KIF6: variants seen among roughly 807,000 people sequenced by gnomAD.
KIF6 encodes the protein kinesin-like protein KIF6.
KIF6 carries 106 observed loss-of-function variants against 112.7 expected under a neutral mutation model. The ratio of observed to expected loss-of-function variants is 0.94; its 90% CI spans 0.80 to 1.11. The LOEUF (loss-of-function observed/expected upper bound fraction) is 1.11. KIF6 is among the 50% of genes least tolerant of loss of function. The pLI is 0.00. For synonymous variants in KIF6, 339 were observed against 339.9 expected, an observed-to-expected ratio of 1.00 and a Z score of 0.03; for missense variants, 929 against 964.0, an observed-to-expected ratio of 0.96 and a Z score of 0.48.
At chr6:39,638,858 G>A (rs993271550) in intron 4 of KIF6, among the ~76,000 whole-genome samples, 1 of 152,032 alleles carries the variant, frequency 6.6e-6, no homozygotes, top group African/African-American at 2.4e-5. Flanking sequence ...TCATTACGGG[G>A]AATTTGTTTG....
intron 13 of KIF6, among the ~76,000 whole-genome samples, chr6:39,471,044 T>C (rs1774090305): frequency 6.6e-6 from 1 of 152,224 alleles, no homozygotes. Flanking sequence ...GCCAGAAGTT[T>C]GTAATCCTTG....
chr6:39,636,806 A>G (rs1784643185), intron 4 of KIF6, among the ~76,000 whole-genome samples: 1 of 152,046 alleles, frequency 6.6e-6, no homozygotes, highest in South Asian at 2.1e-4. Context: ...TTTAGTATAC[A>G]TTTCTGAGTT....
chr6:39,380,009 T>C (rs907964712), intron 16 of KIF6, among the ~76,000 whole-genome samples: 1 of 152,212 alleles, frequency 6.6e-6, no homozygotes, highest in African/African-American at 2.4e-5. Context: ...GCCTGGCACA[T>C]GGTAAAGTAC....
chr6:39,500,204 GC>G (rs780475967), intron 13 of KIF6, among the ~76,000 whole-genome samples: 1 of 152,210 alleles, frequency 6.6e-6, no homozygotes, highest in Non-Finnish European at 1.5e-5. Context: ...GGATATCCAG[GC>G]AGTGCCAATG....
At chr6:39,547,380 T>C (rs1411067880) in intron 10 of KIF6, among the ~76,000 whole-genome samples, 1 of 152,228 alleles carries the variant, frequency 6.6e-6, no homozygotes, top group Non-Finnish European at 1.5e-5. Flanking sequence ...GACAGTGTGT[T>C]TCCTTTTGGA....
Position 39,333,638 on chromosome 6 carries a change from C to G in KIF6, c.*2894G>C, listed in dbSNP as rs1387004790. ...ATGACAAAGCTTTGGATGTGTAATT[C>G]TATACTGGTGGTGAAGAATTAAAAT... is the stretch of plus-strand genomic sequence containing the variant. On this transcript the variant is annotated 3_prime_UTR_variant, in exon 23 of 23. Coordinates refer to ENST00000287152, the MANE Select transcript of KIF6 (RefSeq NM_145027.6). 3 of 152,248 alleles carry G rather than the reference C, an allele frequency of 2.0e-5. No individual in the cohort carries two copies. The highest frequency in any genetic ancestry group is 7.2e-5 in the African/African-American group (3 of 41,470). 9.4% of individuals were successfully genotyped at this position (152,248 alleles called of 1,614,324 possible). A position where few individuals can be genotyped will look rare whatever the true frequency, so the allele number is the denominator to read the frequency against.
chr6:39,562,017 C>T (rs1278243905), intron 10 of KIF6, among the ~76,000 whole-genome samples: 2 of 152,198 alleles, frequency 1.3e-5, no homozygotes, highest in African/African-American at 4.8e-5. Context: ...AATGAAGCAA[C>T]AAACTTTGGG....
intron 5 of KIF6, among the ~76,000 whole-genome samples, chr6:39,630,476 T>C: frequency 6.6e-6 from 1 of 152,050 alleles, no homozygotes; most frequent in East Asian, 1.9e-4. Flanking sequence ...ACATTTTAAA[T>C]TCCAATTATT....
intron 3 of KIF6, among the ~76,000 whole-genome samples, chr6:39,707,230 T>C (rs1018766131): frequency 5.3e-5 from 8 of 152,268 alleles, no homozygotes; most frequent in African/African-American, 1.9e-4. Context: ...TTGAATGAAG[T>C]GTAGAAACCT....
intron 10 of KIF6, chr6:39,554,412 G>T: frequency 6.2e-6 from 1 of 160,396 alleles, no homozygotes; most frequent in Non-Finnish European, 1.4e-5. Context: ...CTCACCACCT[G>T]TGGCTGTGTC....
At chr6:39,552,650 T>C (rs1211708107) in intron 10 of KIF6, among the ~76,000 whole-genome samples, 1 of 152,212 alleles carries the variant, frequency 6.6e-6, no homozygotes, top group Non-Finnish European at 1.5e-5. Flanking sequence ...ATTTAGAATG[T>C]TCCTGTGAAC....
At chr6:39,428,261 G>C (rs1441286852) in intron 14 of KIF6, among the ~76,000 whole-genome samples, 2 of 152,186 alleles carry the variant, frequency 1.3e-5, no homozygotes, top group Non-Finnish European at 2.9e-5. Context: ...CCAGTTACGA[G>C]TCCCTGGTGT....
chr6:39,377,557 A>C (rs888968647), intron 16 of KIF6, among the ~76,000 whole-genome samples: 1 of 152,236 alleles, frequency 6.6e-6, no homozygotes, highest in African/African-American at 2.4e-5. Context: ...TTCAAAACTC[A>C]GTCTTTACCA....
intron 13 of KIF6, among the ~76,000 whole-genome samples, chr6:39,512,239 A>T (rs531774150): frequency 2.1e-4 from 32 of 152,342 alleles, no homozygotes; most frequent in African/African-American, 7.0e-4. Flanking sequence ...ATATTTTTTT[A>T]AACTATATTA....
chr6:39,630,421 C>A (rs762787218), intron 5 of KIF6, among the ~76,000 whole-genome samples: 11 of 151,956 alleles, frequency 7.2e-5, no homozygotes, highest in Non-Finnish European at 1.6e-4. Flanking sequence ...GATTTATACA[C>A]AAGTATTTCA....
intron 14 of KIF6, among the ~76,000 whole-genome samples, chr6:39,424,588 AG>A (rs1270816787): frequency 2.0e-5 from 3 of 152,242 alleles, no homozygotes; most frequent in Non-Finnish European, 2.9e-5. Context: ...AAGTCAGAGT[AG>A]GACCAAATGC....
chr6:39,613,203 G>T lies in KIF6; in HGVS notation c.625C>A (p.Arg209=). 6.3e-7 allele frequency: 1 copy of T among 1,593,234 alleles called. No individual in the cohort carries two copies. Among genetic ancestry groups the T allele is most frequent in the Non-Finnish European group, 8.5e-7 (1 of 1,171,228 alleles). Residue 209 remains arginine (R), a synonymous_variant, in exon 6 of 23, where the codon CGA becomes AGA. Coordinates refer to ENST00000287152, the MANE Select transcript of KIF6 (RefSeq NM_145027.6). ...LNLLFLGDTN[R]MIAETPMNQA... ...AAGTTTATTACCTCTGCAATCATTC[G>T]GTTGGTGTCTCCTAAAAAAAGCAAA...
At chr6:39,467,052 A>G (rs1369194704) in intron 13 of KIF6, among the ~76,000 whole-genome samples, 1 of 152,200 alleles carries the variant, frequency 6.6e-6, no homozygotes, top group Non-Finnish European at 1.5e-5. Flanking sequence ...CAAGGCAGGC[A>G]TAACAACAGA....
chr6:39,501,553 A>AG (rs1368359146), intron 13 of KIF6, among the ~76,000 whole-genome samples: 1 of 152,212 alleles, frequency 6.6e-6, no homozygotes, highest in Non-Finnish European at 1.5e-5. Context: ...AGCATGTTGT[A>AG]GTCCAATGCA....
Sources: gnomAD v4.1 joint callset for allele counts (sites outside exome capture counted in the v4.1 genomes callset) on GRCh38, gnomAD v4.1.1 for gene constraint, MANE v1.5 for transcripts, NCBI Gene and HGNC (gene_info 2026-07-23, HGNC 2026-07-21) for gene names.